Variants in RBFOX1 observed in about 807,000 individuals in gnomAD.
The protein encoded by RBFOX1 is RNA binding fox-1 homolog 1, also known as RNA binding protein fox-1 homolog 1.
In RBFOX1, 8 loss-of-function variants were observed where a neutral mutation model predicts 57.7. The ratio of observed to expected loss-of-function variants is 0.14; its 90% confidence interval spans 0.08 to 0.25. The LOEUF is 0.25. Among genes scored for constraint, RBFOX1 ranks in the 10% least tolerant of loss-of-function variants. The probability of loss-of-function intolerance (pLI) is 1.00; values close to 1 mark genes in which losing one functional copy is unlikely to be tolerated. For synonymous variants in RBFOX1, 326 were observed against 222.4 expected (o/e 1.47, Z -4.15); for missense variants, 611 against 548.5 (o/e 1.11, Z -1.14).
chr16:7,460,555 G>A (rs71386449), intron 4 of RBFOX1, among the ~76,000 whole-genome samples: 5 of 147,220 alleles, frequency 3.4e-5, no homozygotes, highest in Non-Finnish European at 7.4e-5. Context: ...ACACACAGTG[G>A]GGTCTACCAG....
chr16:5,911,741 A>G (rs1392781019), intron 4 of RBFOX1, among the ~76,000 whole-genome samples: 1 of 152,164 alleles, frequency 6.6e-6, no homozygotes, highest in Non-Finnish European at 1.5e-5. Flanking sequence ...GAGAGTCCAC[A>G]TTCTGGTTCA....
chr16:7,616,347 A>G (rs570779755), intron 10 of RBFOX1, among the ~76,000 whole-genome samples: 1 of 152,334 alleles, frequency 6.6e-6, no homozygotes, highest in East Asian at 1.9e-4. Context: ...CAGCACAGGC[A>G]TAGTGTTATC....
chr16:5,450,682 A>G (rs1206757452), intron 1 of RBFOX1, among the ~76,000 whole-genome samples: 1 of 152,010 alleles, frequency 6.6e-6, no homozygotes, highest in Non-Finnish European at 1.5e-5. Context: ...CAGGGAGGAA[A>G]CTTGCCACCA....
chr16:6,274,985 A>T (rs2075640262), intron 1 of RBFOX1, among the ~76,000 whole-genome samples: 1 of 152,186 alleles, frequency 6.6e-6, no homozygotes, highest in African/African-American at 2.4e-5. Flanking sequence ...GAAAACTTTT[A>T]GCTGAGATAT....
At chr16:6,499,553 C>T (rs934557715) in intron 2 of RBFOX1, among the ~76,000 whole-genome samples, 9 of 152,018 alleles carry the variant, frequency 5.9e-5, no homozygotes, top group African/African-American at 2.2e-4. Context: ...CAGCATCTCC[C>T]GTGTGAGCCA....
rs188220645 is a variant in RBFOX1 at position 6,364,388 on chromosome 16, C to G, written c.-64+47331C>G. Among the ~76,000 whole-genome samples, 380 of 152,266 alleles carry G rather than the reference C, an allele frequency of 2.5e-3. 1 individual carries two copies. Among genetic ancestry groups the G allele is most frequent in the Admixed American group, 9.1e-3 (139 of 15,300 alleles). ...TCTTTCTTTCTCATCTTCCCTCCAA[C>G]ATTAAAGACATTTGGTGCAACCTCA... On this transcript the variant is annotated intron_variant, in intron 2 of 15. Transcript: ENST00000550418.
At chr16:6,670,046 G>A (rs1175585372) in intron 3 of RBFOX1, among the ~76,000 whole-genome samples, 4 of 152,158 alleles carry the variant, frequency 2.6e-5, no homozygotes, top group Non-Finnish European at 5.9e-5. Context: ...TATTGAGACA[G>A]GGCCTTGCTC....
chr16:6,913,506 C>G (rs1184099995), intron 3 of RBFOX1, among the ~76,000 whole-genome samples: 1 of 152,152 alleles, frequency 6.6e-6, no homozygotes, highest in African/African-American at 2.4e-5. Context: ...TCGGCCCCAT[C>G]ATCTGCAGTG....
chr16:7,124,912 T>A (rs1421635495), intron 4 of RBFOX1, among the ~76,000 whole-genome samples: 1 of 152,114 alleles, frequency 6.6e-6, no homozygotes, highest in Non-Finnish European at 1.5e-5. Flanking sequence ...CGTTATGAGC[T>A]AATTAAAATC....
intron 2 of RBFOX1, among the ~76,000 whole-genome samples, chr16:5,596,932 C>G (rs75047182): frequency 0.011 from 1,725 of 152,272 alleles, 37 homozygotes; most frequent in African/African-American, 0.04. Flanking sequence ...GAGGACCATT[C>G]TCTGTGTTGA....
chr16:6,132,412 G>C (rs1257212965), intron 1 of RBFOX1, among the ~76,000 whole-genome samples: 1 of 152,222 alleles, frequency 6.6e-6, no homozygotes, highest in African/African-American at 2.4e-5. Flanking sequence ...TACCACAGGT[G>C]TGACATGAAG....
chr16:6,698,453 A>G (rs576324412), intron 3 of RBFOX1, among the ~76,000 whole-genome samples: 10 of 152,170 alleles, frequency 6.6e-5, no homozygotes, highest in Non-Finnish European at 1.0e-4. Context: ...GGCCGCCATA[A>G]CGCAAATCAA....
rs149860119 is a variant in RBFOX1 at position 5,242,846 on chromosome 16, C to A, written c.219+2741C>A. 5.3e-3 allele frequency among the ~76,000 whole-genome samples: 796 copies of A among 150,784 alleles called. 5 individuals carry two copies. The highest frequency in any genetic ancestry group is 0.019 in the African/African-American group (760 of 40,220). ...GGTGTCCCTTGGAGTGGCTCCCAGG[C>A]TGTGCTCTTGTGGTTGGGTGGCAAG... On this transcript the variant is annotated intron_variant, in intron 1 of 2. Transcript: ENST00000585867.
chr16:6,342,044 T>TG (rs1194255582), intron 2 of RBFOX1, among the ~76,000 whole-genome samples: 1 of 152,166 alleles, frequency 6.6e-6, no homozygotes, highest in Non-Finnish European at 1.5e-5. Context: ...TGGACACTGT[T>TG]GGGGGGCCTA....
At position 5,310,176 on chromosome 16, in the gene RBFOX1, A is replaced by G. The variant is rs552404198; in HGVS notation, c.219+70071A>G. Among the ~76,000 whole-genome samples, 296 of 152,284 alleles carry G rather than the reference A, an allele frequency of 1.9e-3. 1 individual carries two copies. Among genetic ancestry groups the G allele is most frequent in the South Asian group, 9.4e-3 (45 of 4,810 alleles). On this transcript the variant is annotated intron_variant, in intron 1 of 2. Transcript: ENST00000585867. ...CACTTTGGGAGGCTGAGGTGGGCGG[A>G]TCACTCGAGGGCAGGAGTTTGAGAC...
intron 13 of RBFOX1, among the ~76,000 whole-genome samples, chr16:7,675,839 T>C (rs780139496): frequency 3.9e-5 from 6 of 152,184 alleles, no homozygotes; most frequent in Non-Finnish European, 7.3e-5. Context: ...TGGTCCTGTG[T>C]TATCAGCGGA....
chr16:6,186,770 G>C (rs1334380643), intron 1 of RBFOX1, among the ~76,000 whole-genome samples: 2 of 152,180 alleles, frequency 1.3e-5, no homozygotes, highest in African/African-American at 4.8e-5. Context: ...GGCAACATTG[G>C]TGCCAATGGG....
intron 1 of RBFOX1, among the ~76,000 whole-genome samples, chr16:6,299,279 G>T (rs1381911318): frequency 6.6e-6 from 1 of 152,222 alleles, no homozygotes; most frequent in Non-Finnish European, 1.5e-5. Flanking sequence ...CTCAGAGGAT[G>T]ATAAATAATG....
chr16:7,480,842 C>T (rs149970897), intron 4 of RBFOX1, among the ~76,000 whole-genome samples: 16 of 152,274 alleles, frequency 1.1e-4, no homozygotes, highest in African/African-American at 3.6e-4. Flanking sequence ...GGAATTGAAA[C>T]AGCCTCTTGG....
Sources: gnomAD v4.1 joint callset for allele counts (sites outside exome capture counted in the v4.1 genomes callset) on GRCh38, gnomAD v4.1.1 for gene constraint, MANE v1.5 for transcripts, NCBI Gene and HGNC (gene_info 2026-07-23, HGNC 2026-07-21) for gene names.